PCDHA4: variants seen among roughly 807,000 people sequenced by gnomAD.
PCDHA4 encodes the protein protocadherin alpha-4.
Under a neutral mutation model 61.4 loss-of-function variants are expected in PCDHA4, and 49 were observed. The observed-to-expected ratio is 0.80, with a 90% confidence interval of 0.63 to 1.01. The LOEUF is 1.01. Ranked by LOEUF, PCDHA4 falls within the 50% of genes least tolerant of loss-of-function variation. The pLI is 0.00. For synonymous variants in PCDHA4, 590 were observed against 550.3 expected (o/e 1.07, Z -1.01); for missense variants, 1,254 against 1,235.8 (o/e 1.01, Z -0.22).
chr5:140,871,413 C>A (rs2053063966), intron 1 of PCDHA4: 1 of 1,614,002 alleles, frequency 6.2e-7, no homozygotes, highest in East Asian at 2.2e-5. Flanking sequence ...ACCTCATGGC[C>A]TTCAGCCCCA....
At chr5:140,830,434 T>C (rs1771061273) in intron 1 of PCDHA4, 2 of 1,613,288 alleles carry the variant, frequency 1.2e-6, no homozygotes, top group Non-Finnish European at 1.7e-6. Flanking sequence ...CTTGTCCTAT[T>C]ATGATGGGTA....
chr5:140,842,210 C>G (rs782194934), intron 1 of PCDHA4: 1 of 1,613,418 alleles, frequency 6.2e-7, no homozygotes. Flanking sequence ...TAGCATAGAT[C>G]GAAATACGGG....
At chr5:140,906,872 C>T (rs1421521976) in intron 1 of PCDHA4, among the ~76,000 whole-genome samples, 4 of 152,230 alleles carry the variant, frequency 2.6e-5, no homozygotes, top group African/African-American at 9.6e-5. Flanking sequence ...CCAGCCAACA[C>T]TGTAACTTCC....
chr5:140,971,295 G>C (rs2096467939), intron 1 of PCDHA4, among the ~76,000 whole-genome samples: 2 of 152,232 alleles, frequency 1.3e-5, no homozygotes, highest in South Asian at 4.1e-4. Flanking sequence ...TATGTACTTT[G>C]GTACACAAAC....
intron 1 of PCDHA4, among the ~76,000 whole-genome samples, chr5:140,966,046 G>A (rs1329363755): frequency 6.6e-6 from 1 of 152,212 alleles, no homozygotes. Context: ...CCCATCGCCA[G>A]TAACCCCAGA....
intron 1 of PCDHA4, chr5:140,869,228 G>A (rs782726206): frequency 6.2e-7 from 1 of 1,613,764 alleles, no homozygotes; most frequent in Non-Finnish European, 8.5e-7. Context: ...GCCAAACACG[G>A]CACCTTCGTG....
At chr5:140,823,176 C>A (rs2150123145) in intron 1 of PCDHA4, 2 of 1,613,936 alleles carry the variant, frequency 1.2e-6, no homozygotes, top group African/African-American at 2.7e-5. Flanking sequence ...AGGAGAACAA[C>A]CCGCCAGGCT....
At chr5:140,850,719 T>C in intron 1 of PCDHA4, 1 of 1,597,696 alleles carries the variant, frequency 6.3e-7, no homozygotes, top group Non-Finnish European at 8.6e-7. Flanking sequence ...GCTGGTGTGT[T>C]CTAGCGCGGT....
intron 1 of PCDHA4, chr5:140,868,367 A>T (rs1172492575): frequency 1.3e-5 from 2 of 152,208 alleles, no homozygotes; most frequent in African/African-American, 4.8e-5. Context: ...AAATGTAAAT[A>T]ACAGTAAAGA....
At chr5:140,876,524 T>A in intron 1 of PCDHA4, 1 of 1,614,136 alleles carries the variant, frequency 6.2e-7, no homozygotes, top group Non-Finnish European at 8.5e-7. Flanking sequence ...CCTGAAGTAA[T>A]GGTTACTTCA....
chr5:140,971,799 TTA>T (rs1435483264), intron 1 of PCDHA4, among the ~76,000 whole-genome samples: 2 of 152,164 alleles, frequency 1.3e-5, no homozygotes, highest in East Asian at 3.8e-4. Flanking sequence ...ATATTGAATA[TTA>T]TAATATTGAA....
At chr5:140,928,007 A>G in intron 1 of PCDHA4, 3 of 1,614,116 alleles carry the variant, frequency 1.9e-6, no homozygotes, top group Non-Finnish European at 2.5e-6. Context: ...CTCGATTCTA[A>G]TGGTAGGGTC....
intron 1 of PCDHA4, among the ~76,000 whole-genome samples, chr5:140,910,531 C>G (rs2153515118): frequency 6.6e-6 from 1 of 152,310 alleles, no homozygotes; most frequent in Admixed American, 6.5e-5. Flanking sequence ...ACTCCCCTCA[C>G]AAATCTATTT....
intron 1 of PCDHA4, chr5:140,850,751 G>A (rs2041804257): frequency 6.3e-7 from 1 of 1,597,836 alleles, no homozygotes; most frequent in Non-Finnish European, 8.6e-7. Flanking sequence ...CGTACTCGCA[G>A]CAGAGGAGGC....
At position 140,809,418 on chromosome 5, in the gene PCDHA4, C is replaced by T. The variant is rs1554125201; in HGVS notation, c.2231C>T (p.Ala744Val). Reference protein sequence around the residue: ...PGKPTLVCSSAVGSWSYSQQR... With the variant: ...PGKPTLVCSSVVGSWSYSQQR... Reference sequence around the variant, plus strand: ...AAGCCCACGCTGGTGTGCTCCAGTGCGGTGGGGAGCTGGTCATACTCGCAG... The same window carrying T: ...AAGCCCACGCTGGTGTGCTCCAGTGTGGTGGGGAGCTGGTCATACTCGCAG... The change falls in exon 1 of 4, where the codon GCG becomes GTG. Residue 744 changes from alanine (A) to valine (V), a missense_variant. Coordinates refer to ENST00000530339, the MANE Select transcript of PCDHA4 (RefSeq NM_018907.4). The T allele has an allele frequency of 1.9e-6, 3 of 1,614,188 alleles. No homozygotes were observed. Among genetic ancestry groups the T allele is most frequent in the Non-Finnish European group, 2.5e-6 (3 of 1,180,014 alleles).
At chr5:140,824,029 C>T (rs1470946833) in intron 1 of PCDHA4, 1 of 1,614,040 alleles carries the variant, frequency 6.2e-7, no homozygotes, top group African/African-American at 1.3e-5. Flanking sequence ...GTACTCGCAG[C>T]AGAGGAGACA....
chr5:140,941,239 C>CTTTCTTTCTTTCTTTA (rs2092937531), intron 1 of PCDHA4, among the ~76,000 whole-genome samples: 1 of 134,502 alleles, frequency 7.4e-6, no homozygotes, highest in African/African-American at 2.9e-5. Context: ...TTCTTTCTTT[C>CTTTCTTTCTTTCTTTA]TTTCTTTCTT....
At chr5:140,874,647 G>T (rs2055047919) in intron 1 of PCDHA4, among the ~76,000 whole-genome samples, 1 of 152,200 alleles carries the variant, frequency 6.6e-6, no homozygotes, top group Non-Finnish European at 1.5e-5. Context: ...ACTTTTGCTA[G>T]AGTAAAACTT....
chr5:140,850,211 CACTGACGGCGCAGTG>C (rs2041429511), intron 1 of PCDHA4: 1 of 1,593,540 alleles, frequency 6.3e-7, no homozygotes, highest in Non-Finnish European at 8.6e-7. Context: ...GGATGAGGGG[CACTGACGGCGCAGTG>C]AGCGAGATGG....
Sources: gnomAD v4.1 joint callset for allele counts (sites outside exome capture counted in the v4.1 genomes callset) on GRCh38, gnomAD v4.1.1 for gene constraint, MANE v1.5 for transcripts, NCBI Gene and HGNC (gene_info 2026-07-23, HGNC 2026-07-21) for gene names.